Variants in DNAH6 observed in about 807,000 individuals in gnomAD.
The protein encoded by DNAH6 is axonemal beta dynein heavy chain 6.
A neutral mutation model predicts 491.4 loss-of-function variants in DNAH6; 340 were observed. The observed-to-expected ratio is 0.69, with a 90% CI of 0.63 to 0.76. The LOEUF (loss-of-function observed/expected upper bound fraction) is 0.76. DNAH6 is among the 30% of genes least tolerant of loss of function. The pLI is 0.00. For missense variants in DNAH6, 4,443 were observed against 4,972.2 expected (o/e 0.89, Z 3.20); for synonymous variants, 1,603 against 1,686.1 (o/e 0.95, Z 1.21).
chr2:84,539,614 G>C (rs1243559104), intron 4 of DNAH6, among the ~76,000 whole-genome samples: 3 of 152,052 alleles, frequency 2.0e-5, no homozygotes, highest in Admixed American at 2.0e-4. Flanking sequence ...TAAAAGACTT[G>C]CTAAAACACA....
intron 69 of DNAH6, among the ~76,000 whole-genome samples, chr2:84,796,882 T>A (rs1678407871): frequency 6.6e-6 from 1 of 152,008 alleles, no homozygotes. Context: ...TTTAAAAAAA[T>A]AAAGAAAAGA....
chr2:84,668,132 C>T (rs12463539), intron 37 of DNAH6, among the ~76,000 whole-genome samples: 3 of 152,266 alleles, frequency 2.0e-5, no homozygotes, highest in East Asian at 3.9e-4. Context: ...GGAGAAATAC[C>T]TAATGTAAGT....
chr2:84,620,928 G>A (rs1687336755), intron 24 of DNAH6, among the ~76,000 whole-genome samples: 1 of 152,162 alleles, frequency 6.6e-6, no homozygotes, highest in Non-Finnish European at 1.5e-5. Context: ...GCAGCAAGTA[G>A]GAAAGTGAAA....
chr2:84,573,581 G>A lies in DNAH6; in HGVS notation c.1918G>A (p.Glu640Lys). The change falls in exon 12 of 77, where the codon GAA (glutamate) becomes AAA (lysine). Residue 640 changes from glutamate to lysine, a missense_variant. By Grantham distance (56) the Glu-to-Lys change is moderately conservative (BLOSUM62 1). Transcript: ENST00000389394. Reference protein sequence around the residue: ...SLDLQALKLQEPDINFFSEQL... With the variant: ...SLDLQALKLQKPDINFFSEQL... ...TGATTTACAAGCTCTTAAACTTCAG[G>A]AACCTGGTAACTTGTCCATTTGTAC... The A allele has an allele frequency of 1.3e-6, 2 of 1,567,112 alleles. No homozygotes were observed. The highest frequency in any genetic ancestry group is 1.7e-6 in the Non-Finnish European group (2 of 1,166,806).
chr2:84,552,048 CAAAAAA>C (rs34353031), intron 9 of DNAH6, among the ~76,000 whole-genome samples: 7 of 70,790 alleles, frequency 9.9e-5, no homozygotes, highest in Non-Finnish European at 1.9e-4. Context: ...AACTCCGTCT[CAAAAAA>C]AAAAAAAAAA....
chr2:84,682,413 G>C (rs565828928), intron 42 of DNAH6, among the ~76,000 whole-genome samples: 68 of 152,184 alleles, frequency 4.5e-4, no homozygotes, highest in Non-Finnish European at 8.8e-4. Flanking sequence ...TTAGATCTAC[G>C]CACATATTCC....
At chr2:84,558,045 C>A in intron 11 of DNAH6, 110 bp downstream of exon 11, 1 of 676,368 alleles carries the variant, frequency 1.5e-6, no homozygotes, top group Non-Finnish European at 2.3e-6. Flanking sequence ...TGAAAATTGG[C>A]ATATGCCTAA....
chr2:84,696,748 A>G (rs1695432518), intron 46 of DNAH6, among the ~76,000 whole-genome samples: 2 of 152,098 alleles, frequency 1.3e-5, no homozygotes, highest in Non-Finnish European at 2.9e-5. Flanking sequence ...AGTTAACTGA[A>G]ATAAAGGGTA....
At chr2:84,795,686 T>A (rs1186160869) in intron 68 of DNAH6, among the ~76,000 whole-genome samples, 2 of 152,144 alleles carry the variant, frequency 1.3e-5, no homozygotes, top group Non-Finnish European at 2.9e-5. Context: ...AGCAATAGAT[T>A]CCAGTGTGCT....
intron 16 of DNAH6, among the ~76,000 whole-genome samples, chr2:84,592,018 C>T (rs1194940934): frequency 6.6e-6 from 1 of 152,182 alleles, no homozygotes; most frequent in East Asian, 1.9e-4. Flanking sequence ...ATCTTCATGA[C>T]ATTGGCCTTG....
chr2:84,607,757 T>C (rs1281727286), intron 21 of DNAH6, among the ~76,000 whole-genome samples: 1 of 152,216 alleles, frequency 6.6e-6, no homozygotes, highest in Non-Finnish European at 1.5e-5. Context: ...TCATCATCTT[T>C]TGGCTGGTGG....
chr2:84,655,921 A>G (rs756450022), intron 35 of DNAH6, among the ~76,000 whole-genome samples: 1 of 152,118 alleles, frequency 6.6e-6, no homozygotes, highest in Non-Finnish European at 1.5e-5. Flanking sequence ...GAATAGTTTC[A>G]TTGCTCTAAA....
chr2:84,493,608 C>G, the DNAH6 span, among the ~76,000 whole-genome samples: 1 of 152,126 alleles, frequency 6.6e-6, no homozygotes, highest in East Asian at 1.9e-4. Flanking sequence ...AATTTGAACT[C>G]TATAAGCAAA....
intron 64 of DNAH6, among the ~76,000 whole-genome samples, chr2:84,779,439 C>G (rs1325430277): frequency 1.3e-5 from 2 of 152,104 alleles, no homozygotes; most frequent in Admixed American, 6.6e-5. Flanking sequence ...AGTCTTATTT[C>G]TACAATATAA....
At chr2:84,705,845 T>G (rs906757283) in intron 52 of DNAH6, 98 bp downstream of exon 52, 6 of 1,307,976 alleles carry the variant, frequency 4.6e-6, no homozygotes, top group Non-Finnish European at 6.0e-6. Flanking sequence ...CTACGCAATA[T>G]AGACAGTGAC....
chr2:84,486,569 A>G, the DNAH6 span, among the ~76,000 whole-genome samples: 1 of 152,204 alleles, frequency 6.6e-6, no homozygotes, highest in African/African-American at 2.4e-5. Flanking sequence ...CTGGGCTGGA[A>G]AAAGTCAGGA....
At chr2:84,525,853 A>C in intron 3 of DNAH6, 115 bp downstream of exon 3, 1 of 770,422 alleles carries the variant, frequency 1.3e-6, no homozygotes, top group South Asian at 2.1e-5. Flanking sequence ...ATAAGGTTGC[A>C]TAATGAGTTT....
intron 11 of DNAH6, among the ~76,000 whole-genome samples, chr2:84,573,164 C>T (rs1473312177): frequency 6.6e-6 from 1 of 152,200 alleles, no homozygotes; most frequent in Non-Finnish European, 1.5e-5. Flanking sequence ...CATATGTTTA[C>T]TAGCAATATA....
At chr2:84,802,663 A>G (rs1679039525) in intron 70 of DNAH6, among the ~76,000 whole-genome samples, 1 of 152,194 alleles carries the variant, frequency 6.6e-6, no homozygotes, top group South Asian at 2.1e-4. Context: ...CAAGGAAGAA[A>G]ATTAACAAAG....
Sources: allele counts gnomAD v4.1 joint callset (sites outside exome capture counted in the v4.1 genomes callset), GRCh38; gene constraint gnomAD v4.1.1; transcripts MANE v1.5; gene names NCBI Gene and HGNC (gene_info 2026-07-23, HGNC 2026-07-21).